The following EML6 variants were observed in gnomAD, a reference collection of about 807,000 sequenced individuals.
EML6 encodes EMAP like 6.
EML6 carries 154 observed loss-of-function variants against 240.1 expected under a neutral mutation model. That is an observed-to-expected ratio of 0.64 (90% confidence interval 0.56 to 0.73). The LOEUF is 0.73. EML6 is among the 30% of genes least tolerant of loss of function. The pLI is 0.00. For missense variants in EML6, 2,964 were observed against 2,474.6 expected, an observed-to-expected ratio of 1.20 and a Z score of -4.20; for synonymous variants, 1,148 against 899.0, an observed-to-expected ratio of 1.28 and a Z score of -4.95.
chr2:54,816,960 A>G, intron 4 of EML6, 75 bp downstream of exon 4: 1 of 879,560 alleles, frequency 1.1e-6, no homozygotes, highest in East Asian at 2.7e-5. Context: ...TCAGACTTCT[A>G]ATGTTTTTAA....
chr2:54,909,574 G>T (rs1445336051), intron 24 of EML6, among the ~76,000 whole-genome samples: 2 of 152,000 alleles, frequency 1.3e-5, no homozygotes, highest in African/African-American at 4.8e-5. Flanking sequence ...GCTGAGCATG[G>T]TGGCTCATGC....
rs776640995 is a variant in EML6 at position 54,905,789 on chromosome 2, G to A, written c.3409+2287G>A. On this transcript the variant is annotated intron_variant, in intron 24 of 41. Coordinates refer to ENST00000356458, the MANE Select transcript of EML6 (RefSeq NM_001039753.4). ...GTATAAGTGGAAGCATACAGTATTT[G>A]TCTTTCTATAATGGGCTTATTCCAC... 5.3e-5 allele frequency among the ~76,000 whole-genome samples: 8 copies of A among 152,272 alleles called. No individual in the cohort carries two copies. In the South Asian group the frequency reaches 1.7e-3, roughly 32 times the overall value.
rs376814690 is a variant in EML6, at chr2:54,892,446, C to T, written c.2540-8C>T. Reference sequence around the variant, plus strand: ...TATAAAGTAATAACTGTTCTTGGTCCACTCTAGGTGGGGGCTTCACTTCTA... The same window carrying T: ...TATAAAGTAATAACTGTTCTTGGTCTACTCTAGGTGGGGGCTTCACTTCTA... On this transcript the variant is annotated splice_polypyrimidine_tract_variant and splice_region_variant and intron_variant, in intron 18 of 41. Coordinates refer to ENST00000356458, the MANE Select transcript of EML6 (RefSeq NM_001039753.4). 8 of 1,546,116 alleles carry T rather than the reference C, an allele frequency of 5.2e-6. No homozygotes were observed. Among genetic ancestry groups the T allele is most frequent in the Non-Finnish European group, 7.0e-6 (8 of 1,142,288 alleles).
chr2:54,809,921 G>GA (rs1340051896), intron 2 of EML6, among the ~76,000 whole-genome samples: 1 of 119,812 alleles, frequency 8.3e-6, no homozygotes, highest in Non-Finnish European at 1.7e-5. Context: ...TGTCACTGCT[G>GA]AAAGGGGTGG....
intron 11 of EML6, among the ~76,000 whole-genome samples, chr2:54,856,790 A>T (rs1670405924): frequency 2.0e-5 from 3 of 152,234 alleles, no homozygotes; most frequent in Admixed American, 2.0e-4. Flanking sequence ...ATGGTTTTAC[A>T]TGGAGTGATG....
At chr2:54,967,523 A>G (rs1441094424) in intron 39 of EML6, among the ~76,000 whole-genome samples, 1 of 152,076 alleles carries the variant, frequency 6.6e-6, no homozygotes, top group Non-Finnish European at 1.5e-5. Context: ...GTTGAAAGGA[A>G]CCCCTGCTGT....
chr2:54,784,391 T>C (rs1327739850), intron 2 of EML6, among the ~76,000 whole-genome samples: 1 of 152,232 alleles, frequency 6.6e-6, no homozygotes, highest in East Asian at 1.9e-4. Flanking sequence ...GTATAAATAC[T>C]AATAAACCTT....
chr2:54,890,665 T>C (rs1313069099), intron 17 of EML6, among the ~76,000 whole-genome samples: 5 of 152,206 alleles, frequency 3.3e-5, no homozygotes, highest in African/African-American at 1.2e-4. Context: ...GTTAATACTC[T>C]CTTTCCTCCT....
chr2:54,956,514 G>T (rs1676239876), intron 32 of EML6, among the ~76,000 whole-genome samples: 1 of 152,098 alleles, frequency 6.6e-6, no homozygotes, highest in Non-Finnish European at 1.5e-5. Context: ...TTTGTTTATG[G>T]TATCCTTGGA....
At chr2:54,784,093 T>C (rs564522645) in intron 2 of EML6, among the ~76,000 whole-genome samples, 1 of 152,224 alleles carries the variant, frequency 6.6e-6, no homozygotes, top group South Asian at 2.1e-4. Flanking sequence ...ACTACAGGCA[T>C]GTGCTACTCA....
intron 14 of EML6, chr2:54,868,968 G>C (rs946312785): frequency 6.3e-6 from 3 of 477,126 alleles, no homozygotes; most frequent in African/African-American, 5.8e-5. Flanking sequence ...AACAGATTCT[G>C]TTACAATGTT....
intron 26 of EML6, among the ~76,000 whole-genome samples, chr2:54,920,300 C>G (rs1403763466): frequency 1.3e-5 from 2 of 151,848 alleles, no homozygotes; most frequent in African/African-American, 4.8e-5. Flanking sequence ...AAAAAGGACT[C>G]AAATAAAATT....
rs1287833773 is a variant in EML6 at position 54,970,348 on chromosome 2, GTA to G, written c.*256_*257del. ...TTGCCTCTGTTCCTGAGACTAAACA[GTA>G]TACATACTAACTACATTGACAAAGA... is the stretch of plus-strand genomic sequence containing the variant. On this transcript the variant is annotated 3_prime_UTR_variant, in exon 42 of 42. Transcript: ENST00000356458. 3.9e-6 allele frequency: 2 copies of G among 511,274 alleles called. No homozygotes were observed. Among genetic ancestry groups the G allele is most frequent in the Non-Finnish European group, 7.0e-6 (2 of 283,838 alleles). The allele number at this position is 511,274 out of a possible 1,614,324, so 31.7% of individuals were successfully genotyped here. A position where few individuals can be genotyped will look rare whatever the true frequency, so the allele number is the denominator to read the frequency against.
At chr2:54,838,868 A>G in intron 7 of EML6, among the ~76,000 whole-genome samples, 1 of 152,208 alleles carries the variant, frequency 6.6e-6, no homozygotes, top group East Asian at 1.9e-4. Flanking sequence ...CAGTGTCAAA[A>G]GTAACAATGA....
chr2:54,962,598 AT>A lies in EML6; in HGVS notation c.5046del (p.Ile1682MetfsTer41). On this transcript the variant is annotated frameshift_variant, in exon 36 of 42. Transcript: ENST00000356458. LOFTEE classifies it high-confidence loss of function. ...GEKNAASNIL[I>X]DGHMEGEIWG... ...AAAAAATGCTGCTTCTAACATCCTG[AT>A]TGATGGTCACATGGAAGGGGAGATC... 6.5e-7 allele frequency: 1 copy of A among 1,549,848 alleles called. No individual in the cohort carries two copies. The highest frequency in any genetic ancestry group is 8.7e-7 in the Non-Finnish European group (1 of 1,146,096).
chr2:54,911,165 G>A (rs2304686), intron 25 of EML6, 123 bp downstream of exon 25: 279,671 of 532,538 alleles, frequency 0.53, 74,419 homozygotes, highest in South Asian at 0.62. Flanking sequence ...AAGTTTGATC[G>A]TGTCTTCAAT....
chr2:54,927,658 G>A (rs553500397), intron 26 of EML6, among the ~76,000 whole-genome samples: 46 of 152,278 alleles, frequency 3.0e-4, no homozygotes, highest in Non-Finnish European at 4.3e-4. Context: ...CCCTCCACCC[G>A]GGGATAAAGG....
intron 2 of EML6, among the ~76,000 whole-genome samples, chr2:54,804,299 T>TTG (rs1473229152): frequency 1.3e-5 from 2 of 152,240 alleles, no homozygotes; most frequent in African/African-American, 4.8e-5. Flanking sequence ...CCCTCAATGC[T>TTG]TGAGTCATAC....
chr2:54,887,704 G>GT lies in EML6; in HGVS notation c.2439-3344dup, dbSNP rs758391060. Among the ~76,000 whole-genome samples the GT allele has an allele frequency of 5.6e-4, 85 of 152,194 alleles. No homozygotes were observed. The Middle Eastern group carries it at 0.014, about 24-fold the overall frequency. On this transcript the variant is annotated intron_variant, in intron 17 of 41. Coordinates refer to ENST00000356458, the MANE Select transcript of EML6 (RefSeq NM_001039753.4). ...ATCTGAGGAACAGGTCCAGCTTTCT[G>GT]TTTTTTCCATATGGCTACCAAGGTG...
Sources: allele counts gnomAD v4.1 joint callset (sites outside exome capture counted in the v4.1 genomes callset), GRCh38; gene constraint gnomAD v4.1.1; transcripts MANE v1.5; gene names NCBI Gene and HGNC (gene_info 2026-07-23, HGNC 2026-07-21).